ZBTB7A: variants seen among roughly 807,000 people sequenced by gnomAD.
The protein encoded by ZBTB7A is zinc finger and BTB domain containing 7A, also known as zinc finger and BTB domain-containing protein 7A.
In ZBTB7A, 7 loss-of-function variants were observed where a neutral mutation model predicts 26.7. The ratio of observed to expected loss-of-function variants is 0.26; its 90% CI spans 0.15 to 0.49. The LOEUF (loss-of-function observed/expected upper bound fraction) is 0.49, where lower values mean the gene tolerates loss of function less well. Ranked by LOEUF, ZBTB7A falls within the 20% of genes least tolerant of loss-of-function variation. The probability of loss-of-function intolerance (pLI) is 0.98; values close to 1 mark genes in which losing one functional copy is unlikely to be tolerated. For missense variants in ZBTB7A, 617 were observed against 919.5 expected (o/e 0.67, Z 4.25); for synonymous variants, 452 against 441.0 (o/e 1.02, Z -0.31).
At chr19:4,065,860 A>C (rs1181306037) in intron 1 of ZBTB7A, 3 of 138,592 alleles carry the variant, frequency 2.2e-5, no homozygotes, top group Non-Finnish European at 3.2e-5. Context: ...GGAAGCCGGG[A>C]CCGCCACCGG....
At chr19:4,060,222 C>T (rs2040625198) in intron 1 of ZBTB7A, among the ~76,000 whole-genome samples, 1 of 152,096 alleles carries the variant, frequency 6.6e-6, no homozygotes, top group African/African-American at 2.4e-5. Flanking sequence ...GCCCAACCCT[C>T]CCAGGGTGGC....
chr19:4,060,972 C>A (rs987855476), intron 1 of ZBTB7A, among the ~76,000 whole-genome samples: 4 of 152,172 alleles, frequency 2.6e-5, no homozygotes, highest in Non-Finnish European at 5.9e-5. Context: ...TCGGCTCCCC[C>A]ACCTCCAAGC....
intron 2 of ZBTB7A, among the ~76,000 whole-genome samples, chr19:4,050,685 C>T (rs1420545964): frequency 6.6e-6 from 1 of 152,164 alleles, no homozygotes; most frequent in Admixed American, 6.5e-5. Context: ...CAATGAGGAT[C>T]GTGCACATTG....
At chr19:4,055,428 G>A (rs1331119638) in intron 1 of ZBTB7A, 181 bp from the exon 2 acceptor site, 1 of 985,298 alleles carries the variant, frequency 1.0e-6, no homozygotes, top group Admixed American at 6.1e-5. Flanking sequence ...TTCCCCAGCT[G>A]TGCACCAAAG....
chr19:4,057,980 C>G (rs1424289522), intron 1 of ZBTB7A, among the ~76,000 whole-genome samples: 1 of 152,138 alleles, frequency 6.6e-6, no homozygotes, highest in Non-Finnish European at 1.5e-5. Context: ...AACCCTGACT[C>G]CTGCCTCCTG....
intron 1 of ZBTB7A, among the ~76,000 whole-genome samples, chr19:4,063,474 C>T (rs1304630442): frequency 6.6e-6 from 1 of 152,192 alleles, no homozygotes; most frequent in Admixed American, 6.5e-5. Flanking sequence ...GCAGAGGGGC[C>T]TCGTATGCAC....
Position 4,054,741 on chromosome 19 carries a change from G to A in ZBTB7A, c.492C>T (p.Phe164=). The A allele has an allele frequency of 6.4e-7, 1 of 1,569,532 alleles. No individual in the cohort carries two copies. The highest frequency in any genetic ancestry group is 8.6e-7 in the Non-Finnish European group (1 of 1,156,950). ...LLRAKEYLEF[F]QSNPMNSLPP... is the part of the protein sequence containing the mutation. Reference sequence around the variant, plus strand: ...GCAGGCTGTTCATGGGGTTGCTCTGGAAGAACTCGAGGTACTCCTTGGCGC... The same window carrying A: ...GCAGGCTGTTCATGGGGTTGCTCTGAAAGAACTCGAGGTACTCCTTGGCGC... The change falls in exon 2 of 3, where the codon TTC becomes TTT. Residue 164 remains phenylalanine (F), a synonymous_variant. Coordinates refer to ENST00000322357, the MANE Select transcript of ZBTB7A (RefSeq NM_015898.4).
intron 1 of ZBTB7A, among the ~76,000 whole-genome samples, chr19:4,059,526 G>C (rs889172208): frequency 1.1e-4 from 16 of 152,266 alleles, no homozygotes; most frequent in African/African-American, 3.4e-4. Context: ...GACTGTGGCC[G>C]CGTTTTACAG....
In ZBTB7A at chr19:4,045,944, G is replaced by T; in HGVS notation, c.*1808C>A. ...TGGTTCTAAGGCCCTGGAGGTGGGG[G>T]GCCCCTGTCACCCACCTCAGCAGGG... On this transcript the variant is annotated 3_prime_UTR_variant, in exon 3 of 3. Coordinates refer to ENST00000322357, the MANE Select transcript of ZBTB7A (RefSeq NM_015898.4). This position sits in a 1 kb window ranked among gnomAD's most constrained non-coding sequence, Gnocchi z 4.1. 2.5e-6 allele frequency: 1 copy of T among 398,734 alleles called. No individual in the cohort carries two copies. Among genetic ancestry groups the T allele is most frequent in the Non-Finnish European group, 4.4e-6 (1 of 226,064 alleles). 24.7% of individuals were successfully genotyped at this position (398,734 alleles called of 1,614,324 possible). A position where few individuals can be genotyped will look rare whatever the true frequency, so the allele number is the denominator to read the frequency against.
At chr19:4,062,431 C>T (rs2040648739) in intron 1 of ZBTB7A, among the ~76,000 whole-genome samples, 1 of 152,188 alleles carries the variant, frequency 6.6e-6, no homozygotes, top group Admixed American at 6.5e-5. Flanking sequence ...CGGTACGTGA[C>T]GGCACCCACA....
intron 1 of ZBTB7A, chr19:4,062,317 C>G (rs2040646702): frequency 6.6e-6 from 1 of 152,258 alleles, no homozygotes; most frequent in Non-Finnish European, 1.5e-5. Context: ...GGGGCGCCTT[C>G]TGCGCTTTGG....
Position 4,066,839 on chromosome 19 carries a change from G to A in ZBTB7A, c.-173C>T, listed in dbSNP as rs1371022562. On this transcript the variant is annotated 5_prime_UTR_variant, in exon 1 of 3. Transcript: ENST00000322357. ...CGGCGGCGGCGTCACTGCCCCTACA[G>A]TAACTGTACAGTACAGCCAAAGCCC... The A allele has an allele frequency of 6.6e-6, 1 of 151,734 alleles. No individual in the cohort carries two copies. The highest frequency in any genetic ancestry group is 6.6e-5 in the Admixed American group (1 of 15,214). 9.4% of individuals were successfully genotyped at this position (151,734 alleles called of 1,614,324 possible). A position where few individuals can be genotyped will look rare whatever the true frequency, so the allele number is the denominator to read the frequency against.
Position 4,054,455 on chromosome 19 carries a change from G to A in ZBTB7A, c.778C>T (p.Pro260Ser). 1 of 1,359,140 alleles carries A rather than the reference G, an allele frequency of 7.4e-7. No homozygotes were observed. The highest frequency in any genetic ancestry group is 9.4e-7 in the Non-Finnish European group (1 of 1,063,498). The allele number at this position is 1,359,140 out of a possible 1,614,324, so 84.2% of individuals were successfully genotyped here. ...DAPTGGLFPP[P>S]VAPPAATQNG... ...TGCGTGGCGGCCGGCGGGGCCACCG[G>A]CGGCGGAAAGAGACCCCCGGTGGGG... is the stretch of plus-strand genomic sequence containing the variant. Residue 260 changes from proline to serine, a missense_variant, in exon 2 of 3, where the codon CCG becomes TCG. Around this residue, in one of 5 missense-constraint regions of ZBTB7A, gnomAD observed 331 missense variants for 391.3 expected, o/e 0.85. Transcript: ENST00000322357.
chr19:4,046,352 TTA>T lies in ZBTB7A; in HGVS notation c.*1398_*1399del. The T allele has an allele frequency of 2.9e-5, 9 of 305,914 alleles. No homozygotes were observed. The highest frequency in any genetic ancestry group is 5.0e-5 in the Admixed American group (1 of 19,826). 18.9% of individuals were successfully genotyped at this position (305,914 alleles called of 1,614,324 possible). On this transcript the variant is annotated 3_prime_UTR_variant, in exon 3 of 3. Transcript: ENST00000322357. ...CTACGTTTGTGGTGGGTTTTTTTTTTTATTATTTTGTACAAAAATAAATCGAC... is the reference window on the plus strand; with the variant it reads ...CTACGTTTGTGGTGGGTTTTTTTTTTTTATTTTGTACAAAAATAAATCGAC...
chr19:4,059,558 G>A (rs2040618321), intron 1 of ZBTB7A, among the ~76,000 whole-genome samples: 1 of 152,146 alleles, frequency 6.6e-6, no homozygotes, highest in African/African-American at 2.4e-5. Context: ...GGGGCCCAGA[G>A]AGGGCTGCAG....
intron 1 of ZBTB7A, among the ~76,000 whole-genome samples, chr19:4,066,434 G>C (rs929719411): frequency 1.3e-5 from 2 of 150,652 alleles, no homozygotes; most frequent in African/African-American, 2.4e-5. Context: ...GTTGGGGGGG[G>C]CTGGCGCACA....
rs970414267 is a variant in ZBTB7A, at chr19:4,052,431, G to T, written c.1262+1540C>A. Among the ~76,000 whole-genome samples the T allele has an allele frequency of 6.6e-6, 1 of 152,104 alleles. No homozygotes were observed. Among genetic ancestry groups the T allele is most frequent in the African/African-American group, 2.4e-5 (1 of 41,418 alleles). On this transcript the variant is annotated intron_variant, in intron 2 of 2. Coordinates refer to ENST00000322357, the MANE Select transcript of ZBTB7A (RefSeq NM_015898.4). This position sits in a 1 kb window ranked among gnomAD's most constrained non-coding sequence, Gnocchi z 4.9. ...CTGCCTGCCTCCCAAAGTGCCCTTT[G>T]CCCCCTGCCTGGCACTCCTGGGCGC...
In ZBTB7A at chr19:4,044,191, GAC is replaced by G. The variant is rs1491253967; in HGVS notation, c.*3559_*3560del. Among the ~76,000 whole-genome samples, 2 of 151,816 alleles carry G rather than the reference GAC, an allele frequency of 1.3e-5. No individual in the cohort carries two copies. The highest frequency in any genetic ancestry group is 2.9e-5 in the Non-Finnish European group (2 of 67,932). ...GGGAAGACCCTGGAAGAGGCTGGGG[GAC>G]CCCCCTCGGAAGGAAGCAAAAAGAC... On this transcript the variant is annotated 3_prime_UTR_variant, in exon 3 of 3. Transcript: ENST00000322357.
intron 1 of ZBTB7A, chr19:4,065,862 C>A (rs915419547): frequency 7.0e-6 from 1 of 143,614 alleles, no homozygotes; most frequent in African/African-American, 2.5e-5. Flanking sequence ...AAGCCGGGAC[C>A]GCCACCGGCC....
Sources: gnomAD v4.1 joint callset for allele counts (sites outside exome capture counted in the v4.1 genomes callset) on GRCh38, gnomAD v4.1.1 for gene constraint, gnomAD v4.1.1 regional missense constraint, Gnocchi (gnomAD v3.1) non-coding constraint, MANE v1.5 for transcripts, NCBI Gene and HGNC (gene_info 2026-07-23, HGNC 2026-07-21) for gene names.